The following CYTH3 variants were observed in gnomAD, a reference collection of about 807,000 sequenced individuals.
CYTH3 encodes the protein cytohesin 3, also known as cytohesin-3.
In CYTH3, 23 loss-of-function variants were observed where a neutral mutation model predicts 55.1. The observed-to-expected ratio is 0.42, with a 90% CI of 0.30 to 0.59. The LOEUF is 0.59. Ranked by LOEUF, CYTH3 falls within the 20% of genes least tolerant of loss-of-function variation. The pLI, the probability that CYTH3 is intolerant of heterozygous loss-of-function variation, is 0.20. For synonymous variants in CYTH3, 249 were observed against 194.9 expected (o/e 1.28, Z -2.31); for missense variants, 413 against 524.8 (o/e 0.79, Z 2.08).
chr7:6,271,627 C>A (rs1583213793), intron 1 of CYTH3, among the ~76,000 whole-genome samples: 1 of 152,318 alleles, frequency 6.6e-6, no homozygotes, highest in East Asian at 1.9e-4. Context: ...CCAGCATGAC[C>A]CAGCAGTCAT....
At chr7:6,229,462 G>C (rs1217474405) in intron 1 of CYTH3, among the ~76,000 whole-genome samples, 1 of 152,106 alleles carries the variant, frequency 6.6e-6, no homozygotes, top group African/African-American at 2.4e-5. Context: ...GCCTGTGCAA[G>C]TTATCTAATC....
intron 1 of CYTH3, among the ~76,000 whole-genome samples, chr7:6,208,742 T>C (rs112449167): frequency 3.3e-5 from 5 of 152,156 alleles, no homozygotes; most frequent in African/African-American, 9.7e-5. Context: ...GGTCTTGCTA[T>C]GCTGCCCAGG....
intron 4 of CYTH3, among the ~76,000 whole-genome samples, chr7:6,179,019 A>C (rs1783412072): frequency 6.6e-6 from 1 of 152,250 alleles, no homozygotes; most frequent in South Asian, 2.1e-4. Context: ...TATCCAGCTA[A>C]GACTCTCAGT....
chr7:6,237,288 T>G (rs1779548192), intron 1 of CYTH3, among the ~76,000 whole-genome samples: 1 of 152,198 alleles, frequency 6.6e-6, no homozygotes, highest in African/African-American at 2.4e-5. Context: ...CAGTCTGAGC[T>G]ATGTTAGTTT....
intron 1 of CYTH3, among the ~76,000 whole-genome samples, chr7:6,234,214 G>C (rs893122817): frequency 6.6e-6 from 1 of 152,168 alleles, no homozygotes; most frequent in Non-Finnish European, 1.5e-5. Flanking sequence ...CCATGTGTTA[G>C]AGGCCACTGG....
At chr7:6,181,956 T>C (rs1783514256) in intron 4 of CYTH3, among the ~76,000 whole-genome samples, 1 of 152,248 alleles carries the variant, frequency 6.6e-6, no homozygotes, top group Non-Finnish European at 1.5e-5. Flanking sequence ...AGAAACATCC[T>C]ATCGTATCTC....
At position 6,186,962 on chromosome 7, in the gene CYTH3, A is replaced by G; in HGVS notation, c.249+88T>C. ...CTTTTATGAGGTGACAGGGCGGACC[A>G]CCTCTGACCTCTGTCCAAAAGGGAA... On this transcript the variant is annotated intron_variant, in intron 4 of 12. Transcript: ENST00000350796. 4 of 1,335,952 alleles carry G rather than the reference A, an allele frequency of 3.0e-6. No individual in the cohort carries two copies. In the East Asian group the frequency reaches 6.9e-5, roughly 23 times the overall value. The allele number at this position is 1,335,952 out of a possible 1,614,324, so 82.8% of individuals were successfully genotyped here. A position where few individuals can be genotyped will look rare whatever the true frequency, so the allele number is the denominator to read the frequency against.
intron 6 of CYTH3, 115 bp downstream of exon 6, chr7:6,173,538 T>C: frequency 1.4e-6 from 1 of 733,114 alleles, no homozygotes. Context: ...AGCCAGCATC[T>C]GTGAGACTCG....
At chr7:6,193,962 T>C (rs1455144852) in intron 1 of CYTH3, among the ~76,000 whole-genome samples, 2 of 152,156 alleles carry the variant, frequency 1.3e-5, no homozygotes, top group African/African-American at 4.8e-5. Context: ...AAGCGTCTTC[T>C]CTGAAGCATC....
chr7:6,190,356 T>C, intron 2 of CYTH3, 93 bp downstream of exon 2: 1 of 941,840 alleles, frequency 1.1e-6, no homozygotes, highest in Non-Finnish European at 1.5e-6. Context: ...GTTTTTTTTT[T>C]TTTTTACATT....
At chr7:6,237,694 G>C (rs1176236474) in intron 1 of CYTH3, among the ~76,000 whole-genome samples, 1 of 152,040 alleles carries the variant, frequency 6.6e-6, no homozygotes, top group Non-Finnish European at 1.5e-5. Context: ...GGGCGACAGA[G>C]CAAGACTCTA....
At chr7:6,250,878 C>T (rs1417893255) in intron 1 of CYTH3, among the ~76,000 whole-genome samples, 1 of 152,234 alleles carries the variant, frequency 6.6e-6, no homozygotes, top group Non-Finnish European at 1.5e-5. Flanking sequence ...TTACCAAATA[C>T]ACTGAAGGTG....
At chr7:6,223,304 C>T (rs1486678035) in intron 1 of CYTH3, among the ~76,000 whole-genome samples, 1 of 152,170 alleles carries the variant, frequency 6.6e-6, no homozygotes, top group African/African-American at 2.4e-5. Context: ...CCAGGCCGCC[C>T]CGTCTGGGAA....
intron 4 of CYTH3, among the ~76,000 whole-genome samples, chr7:6,183,742 C>A (rs1013371846): frequency 2.0e-5 from 3 of 152,066 alleles, no homozygotes; most frequent in East Asian, 1.9e-4. Flanking sequence ...GTGTCCCCCC[C>A]ACAATTCATA....
chr7:6,264,563 G>C (rs573056699), intron 1 of CYTH3, among the ~76,000 whole-genome samples: 448 of 152,252 alleles, frequency 2.9e-3, no homozygotes, highest in African/African-American at 0.01. Context: ...AGTGAGCTGC[G>C]ATCACACCAC....
intron 1 of CYTH3, among the ~76,000 whole-genome samples, chr7:6,257,169 G>A (rs73675899): frequency 0.014 from 2,071 of 152,254 alleles, 40 homozygotes; most frequent in African/African-American, 0.045. Context: ...CATGCTCTCA[G>A]AAGTGTGGTC....
intron 1 of CYTH3, among the ~76,000 whole-genome samples, chr7:6,200,918 G>C (rs1350328463): frequency 6.6e-6 from 1 of 152,172 alleles, no homozygotes; most frequent in Non-Finnish European, 1.5e-5. Context: ...ACCATGCCCA[G>C]CTAACTTTCA....
At chr7:6,212,645 T>C (rs1784346473) in intron 1 of CYTH3, 1 of 152,196 alleles carries the variant, frequency 6.6e-6, no homozygotes, top group Admixed American at 6.5e-5. Context: ...TTTTAAAGAT[T>C]AGTCAAATGC....
intron 1 of CYTH3, among the ~76,000 whole-genome samples, chr7:6,212,259 T>G (rs747847624): frequency 4.6e-5 from 7 of 152,220 alleles, no homozygotes; most frequent in Non-Finnish European, 1.0e-4. Context: ...GCCTCCCAAG[T>G]AATGGCTACA....
Sources: allele counts gnomAD v4.1 joint callset (sites outside exome capture counted in the v4.1 genomes callset), GRCh38; gene constraint gnomAD v4.1.1; transcripts MANE v1.5; gene names NCBI Gene and HGNC (gene_info 2026-07-23, HGNC 2026-07-21).